DLGAP4: variants seen among roughly 807,000 people sequenced by gnomAD.
DLGAP4 encodes DLG associated protein 4, also known as disks large-associated protein 4.
A neutral mutation model predicts 86.9 loss-of-function variants in DLGAP4; 18 were observed. The observed-to-expected ratio is 0.21, with a 90% CI of 0.14 to 0.31. DLGAP4 has a LOEUF of 0.31. Among genes scored for constraint, DLGAP4 ranks in the 10% least tolerant of loss-of-function variants. The pLI is 1.00. For synonymous variants in DLGAP4, 548 were observed against 574.3 expected (o/e 0.95, Z 0.65); for missense variants, 1,085 against 1,362.6 (o/e 0.80, Z 3.21).
At chr20:36,447,021 T>A (rs2033610610) in intron 7 of DLGAP4, 84 bp downstream of exon 7, 3 of 1,509,782 alleles carry the variant, frequency 2.0e-6, no homozygotes, top group African/African-American at 2.8e-5. Flanking sequence ...CCTGGGAGGA[T>A]ACAGGGAGGA....
chr20:36,334,510 G>T (rs1555891910), intron 1 of DLGAP4, among the ~76,000 whole-genome samples: 5 of 152,196 alleles, frequency 3.3e-5, no homozygotes, highest in Non-Finnish European at 4.4e-5. Context: ...GTGCAGCAGG[G>T]AGTGCAATTT....
chr20:36,518,502 A>G (rs1230527870), intron 10 of DLGAP4, among the ~76,000 whole-genome samples: 1 of 152,086 alleles, frequency 6.6e-6, no homozygotes, highest in African/African-American at 2.4e-5. Context: ...CCTTTTATAT[A>G]AGCTTTGAAG....
At chr20:36,452,277 CAA>C (rs1432221780) in intron 7 of DLGAP4, among the ~76,000 whole-genome samples, 1 of 152,100 alleles carries the variant, frequency 6.6e-6, no homozygotes, top group Non-Finnish European at 1.5e-5. Flanking sequence ...CTCCCAGGCT[CAA>C]GCGATCCTCC....
chr20:36,366,066 G>A (rs1037265105), intron 1 of DLGAP4, among the ~76,000 whole-genome samples: 2 of 152,110 alleles, frequency 1.3e-5, no homozygotes, highest in African/African-American at 4.8e-5. Flanking sequence ...GAATAGAGGG[G>A]CCTTTTTCTT....
chr20:36,319,694 G>A (rs1444080128), intron 1 of DLGAP4, among the ~76,000 whole-genome samples: 2 of 152,160 alleles, frequency 1.3e-5, no homozygotes, highest in African/African-American at 2.4e-5. Context: ...TCACAGCCTC[G>A]TGACTCACAG....
rs1450827553 is a variant in DLGAP4, at chr20:36,525,874, C to T, written c.2628C>T (p.Pro876=). The part of the protein sequence containing the change: ...QNLNPDANPR[P]TAQDLAGFWD... ...AGAACCCTGATGCCAACCCACGCCC[C>T]ACAGCCCAGGACCTGGCAGGGTTCT... The change falls in exon 12 of 13, where the codon CCC becomes CCT. Residue 876 remains proline, a synonymous_variant. Coordinates refer to ENST00000339266, the MANE Select transcript of DLGAP4 (RefSeq NM_001365621.2). 6.2e-7 allele frequency: 1 copy of T among 1,613,750 alleles called. No homozygotes were observed. The highest frequency in any genetic ancestry group is 8.5e-7 in the Non-Finnish European group (1 of 1,179,988).
chr20:36,343,200 C>T (rs1160511956), intron 1 of DLGAP4, among the ~76,000 whole-genome samples: 2 of 152,122 alleles, frequency 1.3e-5, no homozygotes, highest in Non-Finnish European at 2.9e-5. Context: ...TGAATTGGAG[C>T]AGCATGTGGA....
At position 36,446,918 on chromosome 20, in the gene DLGAP4, C is replaced by T. The variant is rs761164431; in HGVS notation, c.1629C>T (p.Ser543=). 6.2e-7 allele frequency: 1 copy of T among 1,610,670 alleles called. No individual in the cohort carries two copies. Among genetic ancestry groups the T allele is most frequent in the Non-Finnish European group, 8.5e-7 (1 of 1,177,864 alleles). The change falls in exon 7 of 13, where the codon AGC becomes AGT. Residue 543 remains serine, a synonymous_variant. Transcript: ENST00000339266. ...CACCGCCCAGTACCGGCAGCCTCAGCAATAGTCGCACGCTTCCGAGTGAGT... is the reference window on the plus strand; with the variant it reads ...CACCGCCCAGTACCGGCAGCCTCAGTAATAGTCGCACGCTTCCGAGTGAGT... ...LSPPPSTGSL[S]NSRTLPSSSC... is the part of the protein sequence containing the mutation.
At position 36,431,745 on chromosome 20, in the gene DLGAP4, C is replaced by T. The variant is rs371602287; in HGVS notation, c.28C>T (p.Arg10Cys). 6.2e-6 allele frequency: 10 copies of T among 1,603,172 alleles called. No individual in the cohort carries two copies. The highest frequency in any genetic ancestry group is 2.2e-5 in the East Asian group (1 of 44,634). The change falls in exon 3 of 13, where the codon CGC (arginine) becomes TGC (cysteine). Residue 10 changes from arginine to cysteine, a missense_variant. This residue lies in a region of DLGAP4 where 1,082 missense variants were observed against 1,344.1 expected (regional missense o/e 0.81). Coordinates refer to ENST00000339266, the MANE Select transcript of DLGAP4 (RefSeq NM_001365621.2). The surrounding 1 kb of genome is among the most constrained non-coding windows in gnomAD (Gnocchi z 5.1). MKGLGDSRP[R>C]HLSDSLDPPH... ...GAAAGGCCTCGGTGACAGCCGCCCC[C>T]GCCACCTCTCCGACAGCCTAGACCC...
intron 1 of DLGAP4, among the ~76,000 whole-genome samples, chr20:36,312,058 A>C (rs1238423348): frequency 6.6e-6 from 1 of 152,124 alleles, no homozygotes; most frequent in Non-Finnish European, 1.5e-5. Context: ...CTCTGCTGTC[A>C]GTGGCCACAC....
chr20:36,382,527 CTTTTTTT>C lies in DLGAP4; in HGVS notation c.-73+15266_-73+15272del, dbSNP rs749210064. ...CTTTTCTTTCTTTCTTTCTTTTTTTCTTTTTTTTTTTTTTTTTTTTGAGACAGAGTCT... is the reference window on the plus strand; with the variant it reads ...CTTTTCTTTCTTTCTTTCTTTTTTTCTTTTTTTTTTTTTGAGACAGAGTCT... On this transcript the variant is annotated intron_variant, in intron 2 of 12. Coordinates refer to ENST00000339266, the MANE Select transcript of DLGAP4 (RefSeq NM_001365621.2). 7.5e-3 allele frequency among the ~76,000 whole-genome samples: 824 copies of C among 110,456 alleles called. 10 individuals carry two copies. Among genetic ancestry groups the C allele is most frequent in the African/African-American group, 0.028 (787 of 27,712 alleles). The allele number at this position is 110,456 out of a possible 152,430, so 72.5% of individuals were successfully genotyped here.
At chr20:36,467,043 T>A (rs1394377562) in intron 7 of DLGAP4, among the ~76,000 whole-genome samples, 14 of 129,696 alleles carry the variant, frequency 1.1e-4, no homozygotes, top group Non-Finnish European at 6.2e-5. Context: ...TCTCTCTCTC[T>A]CTCTCTCTCT....
chr20:36,410,054 ACTC>A (rs1376461558), intron 2 of DLGAP4, among the ~76,000 whole-genome samples: 2 of 149,766 alleles, frequency 1.3e-5, no homozygotes, highest in East Asian at 3.9e-4. Flanking sequence ...AAAAAAAAGT[ACTC>A]CTCCTACTCT....
At chr20:36,344,039 A>G (rs1555892761) in intron 1 of DLGAP4, among the ~76,000 whole-genome samples, 2 of 152,132 alleles carry the variant, frequency 1.3e-5, no homozygotes, top group Admixed American at 1.3e-4. Context: ...AGCATAGACC[A>G]TCAGGAAAAA....
intron 7 of DLGAP4, among the ~76,000 whole-genome samples, chr20:36,449,867 CA>C (rs1212280619): frequency 1.3e-5 from 2 of 152,220 alleles, no homozygotes; most frequent in Non-Finnish European, 2.9e-5. Context: ...TGTAATACAA[CA>C]ATTCACATTT....
chr20:36,447,507 G>A (rs2147579967), intron 7 of DLGAP4, among the ~76,000 whole-genome samples: 1 of 152,266 alleles, frequency 6.6e-6, no homozygotes, highest in South Asian at 2.1e-4. Flanking sequence ...TGCAACCTCT[G>A]CCTCCCAGGT....
chr20:36,460,331 GT>G (rs1340531883), intron 7 of DLGAP4, among the ~76,000 whole-genome samples: 39 of 151,970 alleles, frequency 2.6e-4, no homozygotes, highest in Middle Eastern at 3.4e-3. Flanking sequence ...AAAGTGAATA[GT>G]ACAGGCGTAG....
intron 7 of DLGAP4, among the ~76,000 whole-genome samples, chr20:36,485,766 C>T (rs1358040231): frequency 6.6e-6 from 1 of 152,226 alleles, no homozygotes; most frequent in African/African-American, 2.4e-5. Flanking sequence ...TGGCCCAGGC[C>T]TCCGTAATGA....
chr20:36,317,233 TTCTTTC>T (rs1478737850), intron 1 of DLGAP4, among the ~76,000 whole-genome samples: 1 of 45,270 alleles, frequency 2.2e-5, no homozygotes, highest in Non-Finnish European at 4.0e-5. Context: ...TTTTCTTTCT[TTCTTTC>T]TTTCTTTCTT....
Sources: allele counts gnomAD v4.1 joint callset (sites outside exome capture counted in the v4.1 genomes callset), GRCh38; gene constraint gnomAD v4.1.1; regional missense constraint gnomAD v4.1.1; non-coding constraint Gnocchi (gnomAD v3.1); transcripts MANE v1.5; gene names NCBI Gene and HGNC (gene_info 2026-07-23, HGNC 2026-07-21).